SENP5: variants seen among roughly 807,000 people sequenced by gnomAD.
SENP5 encodes the protein SUMO specific peptidase 5, also known as sentrin-specific protease 5.
SENP5 carries 21 observed loss-of-function variants against 74.2 expected under a neutral mutation model. The observed-to-expected ratio is 0.28, with a 90% CI of 0.20 to 0.41. The LOEUF (loss-of-function observed/expected upper bound fraction) is 0.41, where lower values mean the gene tolerates loss of function less well. Ranked by LOEUF, SENP5 falls within the 10% of genes least tolerant of loss-of-function variation. SENP5 has a pLI of 1.00. For synonymous variants in SENP5, 311 were observed against 312.7 expected (o/e 0.99, Z 0.06); for missense variants, 717 against 889.1 (o/e 0.81, Z 2.46).
chr3:196,884,674 G>GT (rs529240359), intron 1 of SENP5, among the ~76,000 whole-genome samples: 34,298 of 138,446 alleles, frequency 0.25, 4,687 homozygotes, highest in African/African-American at 0.37. Context: ...GTTTTTTTTT[G>GT]TTTTTTTTTT....
chr3:196,911,634 G>T (rs967689576), intron 6 of SENP5, among the ~76,000 whole-genome samples: 1 of 151,546 alleles, frequency 6.6e-6, no homozygotes, highest in African/African-American at 2.4e-5. Context: ...GGTGGCTCAC[G>T]CCTGTAATCC....
intron 6 of SENP5, among the ~76,000 whole-genome samples, chr3:196,917,382 G>C (rs889935642): frequency 6.6e-6 from 1 of 152,122 alleles, no homozygotes; most frequent in African/African-American, 2.4e-5. Flanking sequence ...TAGAGAGAGA[G>C]AGAGAGGGTA....
At chr3:196,919,539 A>G (rs2108858962) in intron 6 of SENP5, among the ~76,000 whole-genome samples, 1 of 152,298 alleles carries the variant, frequency 6.6e-6, no homozygotes, top group Admixed American at 6.5e-5. Context: ...CACGCCTGTA[A>G]TCCCAGCATT....
intron 5 of SENP5, among the ~76,000 whole-genome samples, chr3:196,902,484 G>A (rs554641359): frequency 3.9e-5 from 6 of 152,286 alleles, no homozygotes; most frequent in Non-Finnish European, 8.8e-5. Context: ...ATGTGCCTCA[G>A]AACCGTCTGA....
intron 1 of SENP5, among the ~76,000 whole-genome samples, chr3:196,882,022 G>C (rs1037189218): frequency 1.3e-5 from 2 of 149,302 alleles, no homozygotes; most frequent in Non-Finnish European, 3.0e-5. Flanking sequence ...TCAGCCTCCC[G>C]AGTAGCTGGG....
At chr3:196,868,878 T>TTGTGTTTTTTTTTTG (rs1372496623) in intron 1 of SENP5, among the ~76,000 whole-genome samples, 2 of 46,378 alleles carry the variant, frequency 4.3e-5, no homozygotes, top group Non-Finnish European at 8.4e-5. Flanking sequence ...AGGTTCCTAC[T>TTGTGTTTTTTTTTTG]TATGTTTTTT....
chr3:196,917,933 GTAA>G, intron 6 of SENP5, among the ~76,000 whole-genome samples: 1 of 152,264 alleles, frequency 6.6e-6, no homozygotes, highest in East Asian at 1.9e-4. Context: ...ATTGCCGTGT[GTAA>G]GCCATATTTT....
intron 1 of SENP5, among the ~76,000 whole-genome samples, 191 bp downstream of exon 1, chr3:196,868,264 C>G (rs962134726): frequency 6.6e-6 from 1 of 152,234 alleles, no homozygotes; most frequent in African/African-American, 2.4e-5. Flanking sequence ...CGAGCGAGCT[C>G]GTCCCGAGGG....
chr3:196,906,394 G>A (rs1714905880), intron 6 of SENP5, among the ~76,000 whole-genome samples: 1 of 152,146 alleles, frequency 6.6e-6, no homozygotes, highest in Non-Finnish European at 1.5e-5. Context: ...CTTTCACAAA[G>A]TCTGCAGTCT....
intron 6 of SENP5, among the ~76,000 whole-genome samples, chr3:196,916,140 C>T (rs1715364587): frequency 6.6e-6 from 1 of 151,996 alleles, no homozygotes; most frequent in South Asian, 2.1e-4. Flanking sequence ...GCCTGGCCAA[C>T]ATGGTAAAAC....
In SENP5 at chr3:196,923,539, G is replaced by A; in HGVS notation, c.2010G>A (p.Lys670=). The A allele has an allele frequency of 6.2e-7, 1 of 1,603,190 alleles. No homozygotes were observed. The highest frequency in any genetic ancestry group is 8.5e-7 in the Non-Finnish European group (1 of 1,173,924). Residue 670 remains lysine, a synonymous_variant, in exon 7 of 10, where the codon AAG becomes AAA. Coordinates refer to ENST00000323460, the MANE Select transcript of SENP5 (RefSeq NM_152699.5). ...ATGATTCCCAAGGCATTCATTTTAA[G>A]TTTTGTGTAGAGGTAAGTTAATATA... The part of the protein sequence containing the change: ...SFYDSQGIHF[K]FCVENIRKYL...
At chr3:196,906,767 T>A (rs1026184646) in intron 6 of SENP5, among the ~76,000 whole-genome samples, 1 of 152,184 alleles carries the variant, frequency 6.6e-6, no homozygotes, top group Non-Finnish European at 1.5e-5. Flanking sequence ...ATTTTGGATT[T>A]TATCCTAAAT....
chr3:196,916,752 C>T (rs1276846368), intron 6 of SENP5, among the ~76,000 whole-genome samples: 1 of 151,626 alleles, frequency 6.6e-6, no homozygotes, highest in Non-Finnish European at 1.5e-5. Context: ...GTCTCAAACT[C>T]CTGACCTTGT....
intron 2 of SENP5, among the ~76,000 whole-genome samples, chr3:196,889,635 A>G (rs1211569129): frequency 1.3e-5 from 2 of 152,240 alleles, no homozygotes; most frequent in African/African-American, 4.8e-5. Context: ...AGAATGAAGT[A>G]AGCTCATGGA....
At position 196,928,648 on chromosome 3, in the gene SENP5, G is replaced by T. The variant is rs1715906420; in HGVS notation, c.2106+769G>T. On this transcript the variant is annotated intron_variant, in intron 8 of 9. Transcript: ENST00000323460. ...ATCATTGACAGGATGTTATAGGCAG[G>T]ATCTTGAAACAAACCTTTAACCCAA... Among the ~76,000 whole-genome samples, 4 of 152,140 alleles carry T rather than the reference G, an allele frequency of 2.6e-5. No individual in the cohort carries two copies. In the South Asian group the frequency reaches 8.3e-4, roughly 32 times the overall value.
At chr3:196,904,267 G>A (rs7613138) in intron 6 of SENP5, among the ~76,000 whole-genome samples, 103,219 of 152,092 alleles carry the variant, frequency 0.68, 35,917 homozygotes, top group Non-Finnish European at 0.75. Flanking sequence ...AGATAGGCTT[G>A]TCAGCAAAGG....
At chr3:196,899,219 A>G (rs1425055770) in intron 2 of SENP5, among the ~76,000 whole-genome samples, 2 of 152,190 alleles carry the variant, frequency 1.3e-5, no homozygotes, top group African/African-American at 2.4e-5. Context: ...TACCTTTACC[A>G]AATAATAGAG....
At chr3:196,916,548 A>G (rs1473394765) in intron 6 of SENP5, among the ~76,000 whole-genome samples, 1 of 149,792 alleles carries the variant, frequency 6.7e-6, no homozygotes, top group Non-Finnish European at 1.5e-5. Context: ...TTTTTTAAAG[A>G]CAGAGTTTCC....
chr3:196,877,492 C>T (rs950662121), intron 1 of SENP5, among the ~76,000 whole-genome samples: 4 of 152,132 alleles, frequency 2.6e-5, no homozygotes, highest in Non-Finnish European at 4.4e-5. Flanking sequence ...GCCACTATCT[C>T]GCTATTTTAA....
Sources: gnomAD v4.1 joint callset for allele counts (sites outside exome capture counted in the v4.1 genomes callset) on GRCh38, gnomAD v4.1.1 for gene constraint, MANE v1.5 for transcripts, NCBI Gene and HGNC (gene_info 2026-07-23, HGNC 2026-07-21) for gene names.